Variants in MFAP3L observed in about 807,000 individuals in gnomAD.
The protein encoded by MFAP3L is microfibrillar-associated protein 3-like.
In MFAP3L, 5 loss-of-function variants were observed where a neutral mutation model predicts 20.0. That is an observed-to-expected ratio of 0.25 (90% CI 0.13 to 0.53). The LOEUF (loss-of-function observed/expected upper bound fraction) is 0.53. Ranked by LOEUF, MFAP3L falls within the 20% of genes least tolerant of loss-of-function variation. The pLI is 0.96. For synonymous variants in MFAP3L, 219 were observed against 213.0 expected (o/e 1.03, Z -0.25); for missense variants, 409 against 527.5 (o/e 0.78, Z 2.20).
At chr4:170,009,611 T>C (rs749724182) in intron 1 of MFAP3L, among the ~76,000 whole-genome samples, 1 of 152,174 alleles carries the variant, frequency 6.6e-6, no homozygotes, top group Non-Finnish European at 1.5e-5. Context: ...AATGGACAAG[T>C]TGTTAAACCT....
intron 1 of MFAP3L, among the ~76,000 whole-genome samples, chr4:170,024,885 A>T (rs1390357244): frequency 1.3e-5 from 2 of 152,234 alleles, no homozygotes; most frequent in Admixed American, 1.3e-4. Context: ...ATGAAAAGTC[A>T]ATGCATTTCT....
At chr4:169,994,835 C>T (rs1560968111) in intron 2 of MFAP3L, 1 of 152,232 alleles carries the variant, frequency 6.6e-6, no homozygotes, top group Non-Finnish European at 1.5e-5. Flanking sequence ...TTTTCATATA[C>T]TTTATCCAAT....
chr4:169,996,027 G>A (rs1415418696), intron 2 of MFAP3L, among the ~76,000 whole-genome samples: 1 of 61,622 alleles, frequency 1.6e-5, no homozygotes, highest in Non-Finnish European at 3.3e-5. Context: ...CCCCCACCCT[G>A]AAATACCCTT....
At chr4:170,010,016 G>A (rs1237624972) in intron 1 of MFAP3L, among the ~76,000 whole-genome samples, 1 of 152,106 alleles carries the variant, frequency 6.6e-6, no homozygotes, top group Non-Finnish European at 1.5e-5. Context: ...TTTAATTTGC[G>A]TGGGAATGAT....
chr4:169,993,156 T>G (rs1737860440), intron 2 of MFAP3L, among the ~76,000 whole-genome samples: 1 of 152,150 alleles, frequency 6.6e-6, no homozygotes, highest in African/African-American at 2.4e-5. Flanking sequence ...AGTGAAACAC[T>G]TTGGTTTGAA....
At position 169,986,829 on chromosome 4, in the gene MFAP3L, A is replaced by C. The variant is rs1737309365; in HGVS notation, c.*4549T>G. 1 of 152,218 alleles carries C rather than the reference A, an allele frequency of 6.6e-6. No homozygotes were observed. The highest frequency in any genetic ancestry group is 2.4e-5 in the African/African-American group (1 of 41,466). The allele number at this position is 152,218 out of a possible 1,614,324, so 9.4% of individuals were successfully genotyped here. ...GGACATCCAGAACTACTGAAATACA[A>C]CAAACGAAATCTAAGTGCAAGCATC... is the stretch of plus-strand genomic sequence containing the variant. On this transcript the variant is annotated 3_prime_UTR_variant, in exon 3 of 3. Transcript: ENST00000361618.
intron 2 of MFAP3L, chr4:169,993,680 C>T (rs1043824426): frequency 2.0e-5 from 3 of 151,636 alleles, no homozygotes; most frequent in African/African-American, 7.3e-5. Context: ...TCCTCCTGCC[C>T]ACTGGCCAGG....
chr4:170,009,647 GACT>G (rs1415535273), intron 1 of MFAP3L, among the ~76,000 whole-genome samples: 1 of 152,142 alleles, frequency 6.6e-6, no homozygotes, highest in Admixed American at 6.5e-5. Context: ...AACTTTGATA[GACT>G]ACTTTATTTT....
chr4:170,002,855 A>G (rs918665292), intron 2 of MFAP3L, among the ~76,000 whole-genome samples: 1 of 151,674 alleles, frequency 6.6e-6, no homozygotes, highest in Admixed American at 6.6e-5. Flanking sequence ...AAAAAAAAAA[A>G]CAAAAAACAA....
rs1737432374 is a variant in MFAP3L, at chr4:169,988,511, C to T, written c.*2867G>A. The T allele has an allele frequency of 6.6e-6, 1 of 152,188 alleles. No individual in the cohort carries two copies. The highest frequency in any genetic ancestry group is 2.4e-5 in the African/African-American group (1 of 41,464). The allele number at this position is 152,188 out of a possible 1,614,324, so 9.4% of individuals were successfully genotyped here. On this transcript the variant is annotated 3_prime_UTR_variant, in exon 3 of 3. Transcript: ENST00000361618. ...ATTTAGTGTGAAGCTTTTAAAACTGCCCAAATGAGTCCAATGTGCACGAGT... is the reference window on the plus strand; with the variant it reads ...ATTTAGTGTGAAGCTTTTAAAACTGTCCAAATGAGTCCAATGTGCACGAGT...
At chr4:170,012,929 C>T (rs1222517547) in intron 1 of MFAP3L, among the ~76,000 whole-genome samples, 2 of 152,122 alleles carry the variant, frequency 1.3e-5, no homozygotes, top group African/African-American at 4.8e-5. Flanking sequence ...CACTAATGTT[C>T]GGCCTCTACA....
Position 170,005,893 on chromosome 4 carries a change from T to C in MFAP3L, c.-16A>G. On this transcript the variant is annotated 5_prime_UTR_variant, in exon 2 of 3. Transcript: ENST00000361618. ...ATCGATCCATCTTCTTTGCTTGCTCTGTAAGGCAATAGAGAGATGGTTTGC... is the reference window on the plus strand; with the variant it reads ...ATCGATCCATCTTCTTTGCTTGCTCCGTAAGGCAATAGAGAGATGGTTTGC... 6.2e-7 allele frequency: 1 copy of C among 1,610,178 alleles called. No homozygotes were observed. Among genetic ancestry groups the C allele is most frequent in the Non-Finnish European group, 8.5e-7 (1 of 1,177,378 alleles).
At position 169,994,593 on chromosome 4, in the gene MFAP3L, T is replaced by C. The variant is rs926912132; in HGVS notation, c.299-2284A>G. On this transcript the variant is annotated intron_variant, in intron 2 of 2. Transcript: ENST00000361618. The stretch of plus-strand genomic sequence containing the variant: ...ATATGATTTTAATTGTGTATTGATA[T>C]GTATTTCTCTAATCTACAACCAAGC... 12 of 948,884 alleles carry C rather than the reference T, an allele frequency of 1.3e-5. No homozygotes were observed. In the African/African-American group the frequency reaches 2.1e-4, roughly 17 times the overall value. The allele number at this position is 948,884 out of a possible 1,614,324, so 58.8% of individuals were successfully genotyped here. A position where few individuals can be genotyped will look rare whatever the true frequency, so the allele number is the denominator to read the frequency against.
At chr4:169,994,447 T>C (rs1226571663) in intron 2 of MFAP3L, 1 of 983,760 alleles carries the variant, frequency 1.0e-6, no homozygotes, top group East Asian at 1.1e-4. Flanking sequence ...ACAACTTTAG[T>C]GATCATTATG....
chr4:169,993,737 C>G (rs539524795), intron 2 of MFAP3L: 1 of 152,098 alleles, frequency 6.6e-6, no homozygotes, highest in Non-Finnish European at 1.5e-5. Context: ...CATGACTGTG[C>G]CTTCTGAAAG....
chr4:170,017,983 T>C (rs917680503), intron 1 of MFAP3L, among the ~76,000 whole-genome samples: 21 of 152,338 alleles, frequency 1.4e-4, no homozygotes, highest in Admixed American at 2.6e-4. Flanking sequence ...AAAGTACTTA[T>C]GAGGCCACTA....
At position 169,987,185 on chromosome 4, in the gene MFAP3L, G is replaced by A. The variant is rs1200531977; in HGVS notation, c.*4193C>T. 1 of 151,770 alleles carries A rather than the reference G, an allele frequency of 6.6e-6. No homozygotes were observed. The highest frequency in any genetic ancestry group is 1.5e-5 in the Non-Finnish European group (1 of 67,742). The allele number at this position is 151,770 out of a possible 1,614,324, so 9.4% of individuals were successfully genotyped here. On this transcript the variant is annotated 3_prime_UTR_variant, in exon 3 of 3. Transcript: ENST00000361618. ...AATTGATTTGTGTAACCCAAACCTG[G>A]TTGATCAATGAAGAAACCCTAAAAA...
In MFAP3L at chr4:169,991,191, C is replaced by A. The variant is rs2110900821; in HGVS notation, c.*187G>T. 4 of 625,704 alleles carry A rather than the reference C, an allele frequency of 6.4e-6. No individual in the cohort carries two copies. The highest frequency in any genetic ancestry group is 2.1e-5 in the South Asian group (1 of 47,752). 38.8% of individuals were successfully genotyped at this position (625,704 alleles called of 1,614,324 possible). On this transcript the variant is annotated 3_prime_UTR_variant, in exon 3 of 3. Transcript: ENST00000361618. The surrounding 1 kb of genome is among the most constrained non-coding windows in gnomAD (Gnocchi z 4.9). ...ATTCTGCACCCTGATGTTTCTCGCA[C>A]CCTTCTCTACTGGGGAAATTCCAGT...
chr4:169,996,484 G>T (rs2110941146), intron 2 of MFAP3L, among the ~76,000 whole-genome samples: 1 of 152,216 alleles, frequency 6.6e-6, no homozygotes, highest in East Asian at 1.9e-4. Flanking sequence ...GCATCATGTG[G>T]TTAAGTATAA....
Sources: gnomAD v4.1 joint callset for allele counts (sites outside exome capture counted in the v4.1 genomes callset) on GRCh38, gnomAD v4.1.1 for gene constraint, Gnocchi (gnomAD v3.1) non-coding constraint, MANE v1.5 for transcripts, NCBI Gene and HGNC (gene_info 2026-07-23, HGNC 2026-07-21) for gene names.